CAMK1D: variants seen among roughly 807,000 people sequenced by gnomAD.
CAMK1D encodes the protein calcium/calmodulin-dependent protein kinase type 1D.
Under a neutral mutation model 47.7 loss-of-function variants are expected in CAMK1D, and 9 were observed. The observed-to-expected ratio is 0.19, with a 90% confidence interval of 0.11 to 0.33. The LOEUF is 0.33. Ranked by LOEUF, CAMK1D falls within the 10% of genes least tolerant of loss-of-function variation. The pLI, the probability that CAMK1D is intolerant of heterozygous loss-of-function variation, is 1.00. For synonymous variants in CAMK1D, 184 were observed against 184.9 expected (o/e 0.99, Z 0.04); for missense variants, 291 against 488.7 (o/e 0.60, Z 3.81).
intron 3 of CAMK1D, among the ~76,000 whole-genome samples, chr10:12,672,892 T>G: frequency 7.1e-6 from 1 of 140,362 alleles, no homozygotes; most frequent in South Asian, 2.2e-4. Context: ...TAGAATAGGC[T>G]TGCCTTTTTT....
At chr10:12,709,131 G>A (rs962196109) in intron 3 of CAMK1D, among the ~76,000 whole-genome samples, 1 of 152,204 alleles carries the variant, frequency 6.6e-6, no homozygotes, top group Non-Finnish European at 1.5e-5. Flanking sequence ...TCACCTATGT[G>A]GGGGGCGGGT....
chr10:12,500,307 C>T (rs934553757), intron 1 of CAMK1D, among the ~76,000 whole-genome samples: 7 of 152,156 alleles, frequency 4.6e-5, no homozygotes, highest in South Asian at 2.1e-4. Flanking sequence ...CCACAAAAAA[C>T]GCTGTCTGAC....
chr10:12,810,172 G>A (rs1174461170), intron 6 of CAMK1D, among the ~76,000 whole-genome samples: 3 of 82,562 alleles, frequency 3.6e-5, no homozygotes, highest in African/African-American at 6.3e-5. Flanking sequence ...AAAAAAAGGC[G>A]TTAGGAGGGT....
chr10:12,590,695 G>A (rs1300795834), intron 2 of CAMK1D, among the ~76,000 whole-genome samples: 2 of 152,198 alleles, frequency 1.3e-5, no homozygotes, highest in Non-Finnish European at 2.9e-5. Context: ...CTGGGCAGAC[G>A]TAAAGCTGCC....
At chr10:12,478,098 C>T (rs187902159) in intron 1 of CAMK1D, among the ~76,000 whole-genome samples, 18 of 150,428 alleles carry the variant, frequency 1.2e-4, no homozygotes, top group Admixed American at 9.3e-4. Flanking sequence ...CTCCGCCTCC[C>T]GGGTTCATGC....
chr10:12,807,486 C>G (rs1838785181), intron 6 of CAMK1D, among the ~76,000 whole-genome samples: 1 of 152,100 alleles, frequency 6.6e-6, no homozygotes, highest in Non-Finnish European at 1.5e-5. Context: ...AGCTAATTAC[C>G]AGGGATGGGG....
intron 1 of CAMK1D, among the ~76,000 whole-genome samples, chr10:12,466,681 T>G (rs1269584288): frequency 6.6e-6 from 1 of 151,868 alleles, no homozygotes; most frequent in Non-Finnish European, 1.5e-5. Context: ...TTAAAAATAC[T>G]TTGGTAAGTG....
chr10:12,692,496 T>G (rs116994943), intron 3 of CAMK1D, among the ~76,000 whole-genome samples: 8 of 152,214 alleles, frequency 5.3e-5, no homozygotes, highest in Non-Finnish European at 8.8e-5. Flanking sequence ...TAATAAAATA[T>G]GAAATGTCAT....
intron 2 of CAMK1D, among the ~76,000 whole-genome samples, chr10:12,556,059 G>C (rs757735008): frequency 4.1e-4 from 63 of 152,138 alleles, no homozygotes; most frequent in Non-Finnish European, 7.9e-4. Flanking sequence ...ACCTGGAAGC[G>C]TGACCCCTCT....
At chr10:12,750,558 C>T (rs1259198782) in intron 3 of CAMK1D, among the ~76,000 whole-genome samples, 1 of 152,014 alleles carries the variant, frequency 6.6e-6, no homozygotes, top group Non-Finnish European at 1.5e-5. Flanking sequence ...GGCACCCACT[C>T]CAAGCTAAAA....
At chr10:12,458,898 A>G (rs558848839) in intron 1 of CAMK1D, among the ~76,000 whole-genome samples, 68 of 75,088 alleles carry the variant, frequency 9.1e-4, no homozygotes, top group African/African-American at 3.2e-3. Flanking sequence ...TTTTTTTTTG[A>G]GATGAAATCT....
chr10:12,471,784 C>T (rs1414735125), intron 1 of CAMK1D, among the ~76,000 whole-genome samples: 1 of 152,110 alleles, frequency 6.6e-6, no homozygotes, highest in Non-Finnish European at 1.5e-5. Flanking sequence ...GTAATCCCAG[C>T]ACTTTGGGAA....
intron 2 of CAMK1D, among the ~76,000 whole-genome samples, chr10:12,616,336 A>C (rs78111606): frequency 4.9e-4 from 75 of 152,332 alleles, no homozygotes; most frequent in Non-Finnish European, 9.7e-4. Flanking sequence ...GGACAGTAAT[A>C]GGAGTAGCTA....
intron 1 of CAMK1D, among the ~76,000 whole-genome samples, chr10:12,542,859 C>T (rs1233505376): frequency 2.0e-5 from 3 of 152,144 alleles, no homozygotes; most frequent in Non-Finnish European, 2.9e-5. Context: ...AATTCTCCTG[C>T]CTCAGCCTCC....
intron 2 of CAMK1D, among the ~76,000 whole-genome samples, chr10:12,594,315 ATC>A (rs377326248): frequency 8.2e-4 from 125 of 152,366 alleles, no homozygotes; most frequent in African/African-American, 3.0e-3. Flanking sequence ...TACCCCAAGC[ATC>A]TCAAGATGTG....
intron 2 of CAMK1D, among the ~76,000 whole-genome samples, chr10:12,577,163 C>A (rs985896303): frequency 1.3e-5 from 2 of 151,282 alleles, no homozygotes; most frequent in Admixed American, 6.6e-5. Flanking sequence ...ATGCTGCAGT[C>A]CCCCCGGCCA....
At chr10:12,666,894 T>C (rs1213177067) in intron 3 of CAMK1D, 84 bp downstream of exon 3, 3 of 1,143,882 alleles carry the variant, frequency 2.6e-6, no homozygotes, top group Admixed American at 3.5e-5. Context: ...AAGAAGTGAT[T>C]GAAGTGGGCC....
At chr10:12,420,238 G>A (rs755227114) in intron 1 of CAMK1D, among the ~76,000 whole-genome samples, 2 of 152,232 alleles carry the variant, frequency 1.3e-5, no homozygotes, top group Admixed American at 1.3e-4. Context: ...GATTAGAGGC[G>A]TGAGCCACCA....
At chr10:12,753,747 T>C (rs562798220) in intron 3 of CAMK1D, among the ~76,000 whole-genome samples, 5 of 152,228 alleles carry the variant, frequency 3.3e-5, no homozygotes, top group Non-Finnish European at 7.4e-5. Flanking sequence ...TTCTAACCCT[T>C]CTCTCATGGC....
Sources: gnomAD v4.1 joint callset for allele counts (sites outside exome capture counted in the v4.1 genomes callset) on GRCh38, gnomAD v4.1.1 for gene constraint, MANE v1.5 for transcripts, NCBI Gene and HGNC (gene_info 2026-07-23, HGNC 2026-07-21) for gene names.